The following STX7 variants were observed in gnomAD, a reference collection of about 807,000 sequenced individuals.
STX7 encodes the protein syntaxin 7.
STX7 carries 34 observed loss-of-function variants against 39.6 expected under a neutral mutation model. The ratio of observed to expected loss-of-function variants is 0.86; its 90% CI spans 0.65 to 1.14. The LOEUF (loss-of-function observed/expected upper bound fraction) is 1.14, where lower values mean the gene tolerates loss of function less well. Among genes scored for constraint, STX7 ranks in the 50% most tolerant of loss-of-function variants. The pLI is 0.00. For missense variants in STX7, 284 were observed against 310.4 expected (o/e 0.92, Z 0.64); for synonymous variants, 119 against 99.1 (o/e 1.20, Z -1.19).
chr6:132,473,517 G>GTTTTTTTTTTT (rs752590497), intron 3 of STX7, among the ~76,000 whole-genome samples: 3 of 125,786 alleles, frequency 2.4e-5, no homozygotes, highest in Non-Finnish European at 3.4e-5. Context: ...TTATTATTGT[G>GTTTTTTTTTTT]TTGTTTTTTT....
At chr6:132,495,392 G>C (rs1775398870) in intron 2 of STX7, among the ~76,000 whole-genome samples, 1 of 152,006 alleles carries the variant, frequency 6.6e-6, no homozygotes, top group Admixed American at 6.5e-5. Context: ...TCCTCTAAGT[G>C]GGGGAAAAAA....
intron 2 of STX7, among the ~76,000 whole-genome samples, chr6:132,483,404 G>T (rs1411608391): frequency 2.0e-5 from 3 of 152,058 alleles, no homozygotes; most frequent in Non-Finnish European, 4.4e-5. Flanking sequence ...GAAAAGGAGG[G>T]CCTACTGCAG....
rs79696469 is a variant in STX7, at chr6:132,449,035, C to T, written c.*11723G>A. On this transcript the variant is annotated 3_prime_UTR_variant, in exon 10 of 10. Coordinates refer to ENST00000367941, the MANE Select transcript of STX7 (RefSeq NM_003569.3). ...TGGATCCACTTTTTTTTTTTTTAGA[C>T]AGGGTACAGTGGCACCATCATAGCT... 0.01 allele frequency: 1,564 copies of T among 149,126 alleles called. 78 individuals are homozygous for T. In the East Asian group the frequency reaches 0.16, roughly 15 times the overall value. 9.2% of individuals were successfully genotyped at this position (149,126 alleles called of 1,614,324 possible).
chr6:132,494,401 A>T (rs2114450281), intron 2 of STX7, among the ~76,000 whole-genome samples: 1 of 152,316 alleles, frequency 6.6e-6, no homozygotes, highest in East Asian at 1.9e-4. Flanking sequence ...CAATAATAGT[A>T]CTTTAATTTA....
At chr6:132,503,646 A>G (rs921815879) in intron 1 of STX7, 58 bp from the exon 2 acceptor site, 11 of 732,228 alleles carry the variant, frequency 1.5e-5, no homozygotes, top group Non-Finnish European at 2.4e-5. Flanking sequence ...TACATTTTCC[A>G]AATTAACAAT....
At chr6:132,467,407 C>T (rs1187933454) in intron 8 of STX7, among the ~76,000 whole-genome samples, 4 of 152,136 alleles carry the variant, frequency 2.6e-5, no homozygotes, top group African/African-American at 9.7e-5. Flanking sequence ...ACAATTTCCA[C>T]CCCTAGCAGT....
At chr6:132,484,455 G>A (rs773581726) in intron 2 of STX7, among the ~76,000 whole-genome samples, 3 of 152,126 alleles carry the variant, frequency 2.0e-5, no homozygotes, top group Non-Finnish European at 2.9e-5. Context: ...GTTACCACCC[G>A]TCAGACTTCA....
chr6:132,460,514 T>G lies in STX7; in HGVS notation c.*244A>C. ...AGGCATATGCAATGTGGGCAAAAAC[T>G]TAACAACTATTAAATTGAAGACCAA... On this transcript the variant is annotated 3_prime_UTR_variant, in exon 10 of 10. Coordinates refer to ENST00000367941, the MANE Select transcript of STX7 (RefSeq NM_003569.3). 3.0e-6 allele frequency: 1 copy of G among 330,274 alleles called. No homozygotes were observed. The highest frequency in any genetic ancestry group is 5.5e-6 in the Non-Finnish European group (1 of 181,956). The allele number at this position is 330,274 out of a possible 1,614,324, so 20.5% of individuals were successfully genotyped here. A position where few individuals can be genotyped will look rare whatever the true frequency, so the allele number is the denominator to read the frequency against.
intron 1 of STX7, among the ~76,000 whole-genome samples, chr6:132,503,818 A>G (rs547360308): frequency 3.3e-5 from 5 of 152,290 alleles, no homozygotes; most frequent in African/African-American, 1.2e-4. Flanking sequence ...TAAGGTTCAA[A>G]TTGCATATTT....
intron 2 of STX7, among the ~76,000 whole-genome samples, chr6:132,477,780 C>T (rs1026314849): frequency 6.6e-6 from 1 of 151,968 alleles, no homozygotes; most frequent in Admixed American, 6.6e-5. Flanking sequence ...TTCATATACA[C>T]ACAGGAGACA....
At chr6:132,509,378 G>A (rs1384673074) in intron 1 of STX7, among the ~76,000 whole-genome samples, 1 of 152,038 alleles carries the variant, frequency 6.6e-6, no homozygotes, top group East Asian at 1.9e-4. Flanking sequence ...CTTGAACCCA[G>A]GAGGCGGAGG....
Position 132,458,418 on chromosome 6 carries a change from C to T in STX7, c.*2340G>A, listed in dbSNP as rs1774302213. ...ACCATAGTATTTAACGACCAATAAA[C>T]AGCCAAATACCTAATGCCACATTGT... On this transcript the variant is annotated 3_prime_UTR_variant, in exon 10 of 10. Transcript: ENST00000367941. The T allele has an allele frequency of 6.6e-6, 1 of 152,306 alleles. No individual in the cohort carries two copies. Among genetic ancestry groups the T allele is most frequent in the African/African-American group, 2.4e-5 (1 of 41,578 alleles). The allele number at this position is 152,306 out of a possible 1,614,324, so 9.4% of individuals were successfully genotyped here.
chr6:132,476,784 T>G (rs17061324), intron 2 of STX7, among the ~76,000 whole-genome samples: 1 of 151,842 alleles, frequency 6.6e-6, no homozygotes, highest in Non-Finnish European at 1.5e-5. Flanking sequence ...TCTATGACTA[T>G]TGCAATTTTT....
intron 1 of STX7, among the ~76,000 whole-genome samples, chr6:132,509,934 T>C (rs965764192): frequency 1.3e-5 from 2 of 152,216 alleles, no homozygotes; most frequent in East Asian, 1.9e-4. Flanking sequence ...AGTACTCTTG[T>C]TGAATACTTT....
chr6:132,467,304 T>C (rs117969787), intron 8 of STX7, among the ~76,000 whole-genome samples: 2 of 152,278 alleles, frequency 1.3e-5, no homozygotes, highest in Non-Finnish European at 2.9e-5. Context: ...GAACACTTTC[T>C]CTTACTTGCT....
At chr6:132,511,144 C>A (rs1022673463) in intron 1 of STX7, among the ~76,000 whole-genome samples, 2 of 152,176 alleles carry the variant, frequency 1.3e-5, no homozygotes, top group Non-Finnish European at 2.9e-5. Flanking sequence ...AAGTGCTTAA[C>A]AAACATTTGT....
At chr6:132,512,042 TA>T (rs948636960) in intron 1 of STX7, among the ~76,000 whole-genome samples, 6 of 152,176 alleles carry the variant, frequency 3.9e-5, no homozygotes, top group Non-Finnish European at 8.8e-5. Flanking sequence ...AAGTAGCCTA[TA>T]AGGCCTGTCC....
chr6:132,485,268 T>C (rs1471630483), intron 2 of STX7, among the ~76,000 whole-genome samples: 5 of 152,228 alleles, frequency 3.3e-5, no homozygotes, highest in Non-Finnish European at 5.9e-5. Flanking sequence ...AAGTTTTATA[T>C]AAATGTAATC....
rs1774247071 is a variant in STX7, at chr6:132,456,496, C to T, written c.*4262G>A. The T allele has an allele frequency of 6.6e-6, 1 of 152,062 alleles. No homozygotes were observed. The highest frequency in any genetic ancestry group is 6.5e-5 in the Admixed American group (1 of 15,270). 9.4% of individuals were successfully genotyped at this position (152,062 alleles called of 1,614,324 possible). On this transcript the variant is annotated 3_prime_UTR_variant, in exon 10 of 10. Transcript: ENST00000367941. Reference sequence around the variant, plus strand: ...TAGTAGCCTGGCAAAAAGCCGGCCCCAAATAAGTGCCAAATTAAGTATTTA... The same window carrying T: ...TAGTAGCCTGGCAAAAAGCCGGCCCTAAATAAGTGCCAAATTAAGTATTTA...
Sources: gnomAD v4.1 joint callset for allele counts (sites outside exome capture counted in the v4.1 genomes callset) on GRCh38, gnomAD v4.1.1 for gene constraint, MANE v1.5 for transcripts, NCBI Gene and HGNC (gene_info 2026-07-23, HGNC 2026-07-21) for gene names.